The following BLOC1S5 variants were observed in gnomAD, a reference collection of about 807,000 sequenced individuals.
BLOC1S5 encodes biogenesis of lysosomal organelles complex 1 subunit 5.
Under a neutral mutation model 24.3 loss-of-function variants are expected in BLOC1S5, and 27 were observed. The ratio of observed to expected loss-of-function variants is 1.11; its 90% CI spans 0.82 to 1.53. The LOEUF (loss-of-function observed/expected upper bound fraction) is 1.53, where lower values mean the gene tolerates loss of function less well. BLOC1S5 is among the 40% of genes most tolerant of loss of function. The pLI is 0.00. For missense variants in BLOC1S5, 239 were observed against 229.4 expected, an observed-to-expected ratio of 1.04 and a Z score of -0.27; for synonymous variants, 84 against 74.5, an observed-to-expected ratio of 1.13 and a Z score of -0.66.
intron 4 of BLOC1S5, among the ~76,000 whole-genome samples, chr6:8,022,013 T>C (rs1229427418): frequency 6.6e-6 from 1 of 151,942 alleles, no homozygotes; most frequent in Non-Finnish European, 1.5e-5. Flanking sequence ...CTCCACCAAT[T>C]AAAGATAATT....
At chr6:8,040,810 T>C (rs151315177) in intron 3 of BLOC1S5, among the ~76,000 whole-genome samples, 5,894 of 151,586 alleles carry the variant, frequency 0.039, 358 homozygotes, top group African/African-American at 0.13. Context: ...GAGCTGAGAT[T>C]GCACCACTGC....
chr6:8,035,947 A>C (rs75245963), intron 3 of BLOC1S5, among the ~76,000 whole-genome samples: 5,943 of 152,248 alleles, frequency 0.039, 369 homozygotes, highest in African/African-American at 0.13. Context: ...TCATCAGCAC[A>C]CAGAACATTC....
chr6:8,030,252 T>C (rs1763251919), intron 3 of BLOC1S5, among the ~76,000 whole-genome samples: 1 of 152,012 alleles, frequency 6.6e-6, no homozygotes, highest in African/African-American at 2.4e-5. Context: ...CCCTGCCTCC[T>C]GGGTTCAAGC....
chr6:8,043,504 C>T (rs1362751045), intron 2 of BLOC1S5, among the ~76,000 whole-genome samples: 3 of 152,014 alleles, frequency 2.0e-5, no homozygotes, highest in African/African-American at 7.3e-5. Flanking sequence ...CTAGCCAGTA[C>T]TCAAGACTTA....
intron 3 of BLOC1S5, among the ~76,000 whole-genome samples, chr6:8,030,461 T>C (rs972815011): frequency 6.6e-6 from 1 of 151,498 alleles, no homozygotes; most frequent in Non-Finnish European, 1.5e-5. Context: ...CCTGGCCAGA[T>C]TAAAATAATT....
chr6:8,052,679 T>C (rs1764157489), intron 2 of BLOC1S5, among the ~76,000 whole-genome samples: 1 of 151,716 alleles, frequency 6.6e-6, no homozygotes. Flanking sequence ...GATCACGAGG[T>C]CAGGAGATCG....
intron 4 of BLOC1S5, among the ~76,000 whole-genome samples, chr6:8,018,950 C>A (rs1482088742): frequency 6.6e-6 from 1 of 152,224 alleles, no homozygotes; most frequent in Non-Finnish European, 1.5e-5. Flanking sequence ...CTGGATGTAA[C>A]CATTATTAAC....
At chr6:8,041,330 T>TTTTTG in intron 2 of BLOC1S5, 62 bp from the exon 3 acceptor site, 1 of 1,448,368 alleles carries the variant, frequency 6.9e-7, no homozygotes, top group Non-Finnish European at 9.2e-7. Context: ...TTTTTTTTTT[T>TTTTTG]GAAATGGAGT....
In BLOC1S5 at chr6:8,064,021, G is replaced by A. The variant is rs115512168; in HGVS notation, c.112+244C>T. On this transcript the variant is annotated intron_variant, in intron 1 of 4. Transcript: ENST00000397457. ...GTCCTGAGCTTGCGGAATGGACGGGGGCGGGCCTGATGGCTCAGGCTGCGA... is the reference window on the plus strand; with the variant it reads ...GTCCTGAGCTTGCGGAATGGACGGGAGCGGGCCTGATGGCTCAGGCTGCGA... Among the ~76,000 whole-genome samples, 1,377 of 152,342 alleles carry A rather than the reference G, an allele frequency of 9.0e-3. 22 individuals are homozygous for A. The highest frequency in any genetic ancestry group is 0.031 in the African/African-American group (1,309 of 41,566).
In BLOC1S5 at chr6:8,021,172, C is replaced by A. The variant is rs1185758746; in HGVS notation, c.384+5195G>T. Among the ~76,000 whole-genome samples the A allele has an allele frequency of 2.0e-5, 3 of 152,148 alleles. No individual in the cohort carries two copies. In the East Asian group the frequency reaches 5.8e-4, roughly 29 times the overall value. On this transcript the variant is annotated intron_variant, in intron 4 of 4. Coordinates refer to ENST00000397457, the MANE Select transcript of BLOC1S5 (RefSeq NM_201280.3). The stretch of plus-strand genomic sequence containing the variant: ...GAAAAGAGACAAATGTTATATGAGT[C>A]TACTTACACGATGAACCTAGAGCAG...
At chr6:8,047,552 T>G (rs1243419157) in intron 2 of BLOC1S5, among the ~76,000 whole-genome samples, 1 of 152,186 alleles carries the variant, frequency 6.6e-6, no homozygotes, top group Admixed American at 6.5e-5. Flanking sequence ...TTTTATATAC[T>G]GCAATTGATT....
At chr6:8,030,437 C>T (rs1245971929) in intron 3 of BLOC1S5, among the ~76,000 whole-genome samples, 5 of 151,700 alleles carry the variant, frequency 3.3e-5, no homozygotes, top group Admixed American at 6.6e-5. Flanking sequence ...GGATTACAGG[C>T]GTGAGCCACC....
chr6:8,041,387 A>G (rs1286856974), intron 2 of BLOC1S5, 119 bp from the exon 3 acceptor site: 7 of 971,720 alleles, frequency 7.2e-6, no homozygotes, highest in Non-Finnish European at 8.4e-6. Flanking sequence ...ATCTCAGCTC[A>G]CTGCAACCTC....
intron 2 of BLOC1S5, 31 bp downstream of exon 2, chr6:8,062,503 G>C: frequency 2.2e-6 from 3 of 1,346,344 alleles, no homozygotes; most frequent in Non-Finnish European, 3.1e-6. Flanking sequence ...AATTAGGGAA[G>C]TACTTTTATA....
chr6:8,027,124 C>T, intron 3 of BLOC1S5: 1 of 308,408 alleles, frequency 3.2e-6, no homozygotes, highest in Non-Finnish European at 6.4e-6. Flanking sequence ...ATTATTTCAT[C>T]AATGAAACCA....
intron 3 of BLOC1S5, among the ~76,000 whole-genome samples, chr6:8,028,296 T>C (rs959205552): frequency 5.9e-5 from 9 of 151,940 alleles, no homozygotes; most frequent in African/African-American, 9.7e-5. Flanking sequence ...ATTTTAGCTA[T>C]ATCAAAGATA....
intron 4 of BLOC1S5, among the ~76,000 whole-genome samples, chr6:8,021,214 G>A (rs2815127): frequency 0.62 from 93,607 of 152,110 alleles, 29,521 homozygotes; most frequent in East Asian, 0.94. Flanking sequence ...TCATAGAGCT[G>A]GAAAGTAGAA....
At chr6:8,043,678 A>G (rs1255349379) in intron 2 of BLOC1S5, among the ~76,000 whole-genome samples, 1 of 152,250 alleles carries the variant, frequency 6.6e-6, no homozygotes, top group African/African-American at 2.4e-5. Flanking sequence ...CTGGTGTTTC[A>G]TTGACAGTAA....
intron 2 of BLOC1S5, among the ~76,000 whole-genome samples, chr6:8,047,667 C>T (rs1387065181): frequency 3.9e-5 from 6 of 152,208 alleles, no homozygotes; most frequent in South Asian, 2.1e-4. Flanking sequence ...CAGTTTCCCA[C>T]AGTCTGTTGT....
Sources: allele counts gnomAD v4.1 joint callset (sites outside exome capture counted in the v4.1 genomes callset), GRCh38; gene constraint gnomAD v4.1.1; transcripts MANE v1.5; gene names NCBI Gene and HGNC (gene_info 2026-07-23, HGNC 2026-07-21).